Variants in CACNA1D observed in about 807,000 individuals in gnomAD.
CACNA1D encodes calcium voltage-gated channel subunit alpha1 D, also known as voltage-dependent L-type calcium channel subunit alpha-1D.
In CACNA1D, 55 loss-of-function variants were observed where a neutral mutation model predicts 257.1. The ratio of observed to expected loss-of-function variants is 0.21; its 90% CI spans 0.17 to 0.27. The LOEUF is 0.27. Among genes scored for constraint, CACNA1D ranks in the 10% least tolerant of loss-of-function variants. CACNA1D has a pLI of 1.00. For synonymous variants in CACNA1D, 980 were observed against 1,014.9 expected (o/e 0.97, Z 0.65); for missense variants, 1,876 against 2,784.0 (o/e 0.67, Z 7.34).
intron 4 of CACNA1D, among the ~76,000 whole-genome samples, chr3:53,655,928 T>A (rs1334443433): frequency 2.0e-5 from 3 of 152,230 alleles, no homozygotes; most frequent in African/African-American, 7.2e-5. Flanking sequence ...CATTTAAGTC[T>A]TTAATCCATC....
chr3:53,705,819 T>A (rs1457400975), intron 9 of CACNA1D, among the ~76,000 whole-genome samples: 1 of 152,212 alleles, frequency 6.6e-6, no homozygotes, highest in Non-Finnish European at 1.5e-5. Context: ...ACAGCACTGT[T>A]GAGGTTTCCC....
rs1472018745 is a variant in CACNA1D, at chr3:53,772,886, C to T, written c.4098C>T (p.Val1366=). ...CCATGCTGTTCTTCATCTATGCGGT[C>T]ATTGGCATGCAGGTAAGCTCCAGCC... ...LIAMLFFIYA[V]IGMQMFGKVA... The change falls in exon 33 of 48, where the codon GTC becomes GTT. Residue 1366 remains valine, a synonymous_variant. Transcript: ENST00000350061. 2.5e-6 allele frequency: 4 copies of T among 1,613,716 alleles called. No individual in the cohort carries two copies. The highest frequency in any genetic ancestry group is 3.3e-5 in the Admixed American group (2 of 59,996).
Position 53,730,526 on chromosome 3 carries a change from C to T in CACNA1D, c.2306C>T (p.Ala769Val), listed in dbSNP as rs771708188. ...CTGAACACTGCTCAGAAAGAAGAAG[C>T]GGAAGAAAAGGAGAGGAAAAAGATT... ...ESLNTAQKEE[A>V]EEKERKKIAR... Residue 769 changes from alanine to valine, a missense_variant, in exon 16 of 48, where the codon GCG (alanine) becomes GTG (valine). By Grantham distance (64) the Ala-to-Val change is moderately conservative (BLOSUM62 0). Coordinates refer to ENST00000350061, the MANE Select transcript of CACNA1D (RefSeq NM_001128840.3). 14 of 1,613,832 alleles carry T rather than the reference C, an allele frequency of 8.7e-6. No homozygotes were observed. The highest frequency in any genetic ancestry group is 3.3e-5 in the Admixed American group (2 of 60,016).
At position 53,723,504 on chromosome 3, in the gene CACNA1D, C is replaced by T; in HGVS notation, c.1737C>T (p.Leu579=). The T allele has an allele frequency of 1.2e-6, 2 of 1,614,044 alleles. No homozygotes were observed. Among genetic ancestry groups the T allele is most frequent in the Non-Finnish European group, 8.5e-7 (1 of 1,180,012 alleles). ...EMLVKMYSLG[L]QAYFVSLFNR... ...TGGTAAAAATGTACAGCTTGGGCCT[C>T]CAAGCATATTTCGTCTCTCTTTTCA... The change falls in exon 13 of 48, where the codon CTC becomes CTT. Residue 579 remains leucine (L), a synonymous_variant. Transcript: ENST00000350061. The surrounding 1 kb of genome is among the most constrained non-coding windows in gnomAD (Gnocchi z 5.6).
intron 3 of CACNA1D, among the ~76,000 whole-genome samples, chr3:53,611,589 A>T (rs1030937258): frequency 1.3e-5 from 2 of 151,958 alleles, no homozygotes; most frequent in African/African-American, 4.8e-5. Context: ...TTAATTTTTC[A>T]ATCATTATTA....
intron 8 of CACNA1D, among the ~76,000 whole-genome samples, chr3:53,700,195 T>G (rs2094610142): frequency 6.6e-6 from 1 of 151,590 alleles, no homozygotes; most frequent in African/African-American, 2.4e-5. Flanking sequence ...TCTTTTACTA[T>G]CTTCATAATT....
At chr3:53,588,459 G>A (rs72966325) in intron 3 of CACNA1D, among the ~76,000 whole-genome samples, 1,662 of 152,268 alleles carry the variant, frequency 0.011, 32 homozygotes, top group African/African-American at 0.037. Context: ...GATGAAGTCT[G>A]GGGGAGTTTG....
At position 53,723,376 on chromosome 3, in the gene CACNA1D, G is replaced by A. The variant is rs929988570; in HGVS notation, c.1667-58G>A. The A allele has an allele frequency of 8.7e-6, 11 of 1,259,438 alleles. No homozygotes were observed. Among genetic ancestry groups the A allele is most frequent in the Middle Eastern group, 1.9e-4 (1 of 5,318 alleles). 78.0% of individuals were successfully genotyped at this position (1,259,438 alleles called of 1,614,324 possible). A position where few individuals can be genotyped will look rare whatever the true frequency, so the allele number is the denominator to read the frequency against. ...ATAGGGAGGGAGGTGTGAGGGGCAC[G>A]AGCAGTCTGAGTGTCTTGCAGGAGA... On this transcript the variant is annotated intron_variant, in intron 12 of 47. Transcript: ENST00000350061. The surrounding 1 kb of genome is among the most constrained non-coding windows in gnomAD (Gnocchi z 5.6).
intron 3 of CACNA1D, among the ~76,000 whole-genome samples, chr3:53,628,944 C>T (rs2093790801): frequency 6.6e-6 from 1 of 152,206 alleles, no homozygotes; most frequent in Non-Finnish European, 1.5e-5. Flanking sequence ...CTTTTTCTGG[C>T]AGAGAACTGA....
chr3:53,675,104 A>G (rs1469363528), intron 8 of CACNA1D, among the ~76,000 whole-genome samples: 1 of 152,166 alleles, frequency 6.6e-6, no homozygotes, highest in African/African-American at 2.4e-5. Context: ...GTTCCACACC[A>G]GGGACGCATA....
intron 3 of CACNA1D, among the ~76,000 whole-genome samples, chr3:53,510,851 A>T (rs3821842): frequency 0.42 from 63,203 of 152,018 alleles, 16,285 homozygotes; most frequent in African/African-American, 0.74. Context: ...CCTAGATTTT[A>T]GGAATCTATT....
intron 29 of CACNA1D, among the ~76,000 whole-genome samples, chr3:53,759,493 C>T (rs548749786): frequency 2.0e-5 from 3 of 152,318 alleles, no homozygotes; most frequent in African/African-American, 4.8e-5. Flanking sequence ...ACAGCAGGTG[C>T]GAAGGGCGAA....
In CACNA1D at chr3:53,707,318, G is replaced by A. The variant is rs148397558; in HGVS notation, c.1390+4508G>A. On this transcript the variant is annotated intron_variant, in intron 9 of 47. Transcript: ENST00000350061. The stretch of plus-strand genomic sequence containing the variant: ...CCAGGGGTGGCTCTTTTTCATTAAG[G>A]TTCCCTGGGGATTCTAATGTGAAGC... Among the ~76,000 whole-genome samples, 378 of 152,052 alleles carry A rather than the reference G, an allele frequency of 2.5e-3. 2 individuals carry two copies. The highest frequency in any genetic ancestry group is 8.6e-3 in the African/African-American group (358 of 41,468).
In CACNA1D at chr3:53,800,815, C is replaced by T; in HGVS notation, c.5041-243C>T. 1 of 591,338 alleles carries T rather than the reference C, an allele frequency of 1.7e-6. No homozygotes were observed. Among genetic ancestry groups the T allele is most frequent in the Non-Finnish European group, 3.0e-6 (1 of 331,034 alleles). The allele number at this position is 591,338 out of a possible 1,614,324, so 36.6% of individuals were successfully genotyped here. On this transcript the variant is annotated intron_variant, in intron 41 of 47. Coordinates refer to ENST00000350061, the MANE Select transcript of CACNA1D (RefSeq NM_001128840.3). The surrounding 1 kb of genome is among the most constrained non-coding windows in gnomAD (Gnocchi z 4.3). Reference sequence around the variant, plus strand: ...CCAACTTGGAGCAACTGGAAGAGCACACTCGAGTGACAGCCGACAGCTTGC... The same window carrying T: ...CCAACTTGGAGCAACTGGAAGAGCATACTCGAGTGACAGCCGACAGCTTGC...
intron 3 of CACNA1D, among the ~76,000 whole-genome samples, chr3:53,539,010 C>T (rs1191091404): frequency 6.6e-6 from 1 of 152,138 alleles, no homozygotes; most frequent in Non-Finnish European, 1.5e-5. Context: ...GATTTTCTTT[C>T]CTGTTTGATC....
chr3:53,734,512 A>T (rs1281531391), intron 19 of CACNA1D, among the ~76,000 whole-genome samples: 1 of 152,160 alleles, frequency 6.6e-6, no homozygotes, highest in African/African-American at 2.4e-5. Context: ...GTGTATATGT[A>T]TATGTTTAAA....
intron 40 of CACNA1D, among the ~76,000 whole-genome samples, chr3:53,795,184 C>G (rs2095502153): frequency 6.6e-6 from 1 of 152,210 alleles, no homozygotes; most frequent in African/African-American, 2.4e-5. Context: ...CCCCTAAGTG[C>G]ACAACTGGGA....
rs1055456992 is a variant in CACNA1D at position 53,519,888 on chromosome 3, A to T, written c.483+18168A>T. On this transcript the variant is annotated intron_variant, in intron 3 of 47. Coordinates refer to ENST00000350061, the MANE Select transcript of CACNA1D (RefSeq NM_001128840.3). ...TGGATTTACCTATTCTGAATATTTC[A>T]TATAAACGGGATCATACAATATGTG... 4.6e-5 allele frequency among the ~76,000 whole-genome samples: 7 copies of T among 152,312 alleles called. No homozygotes were observed. The East Asian group carries it at 1.2e-3, about 25-fold the overall frequency.
At chr3:53,566,271 T>C (rs2092834212) in intron 3 of CACNA1D, among the ~76,000 whole-genome samples, 3 of 152,138 alleles carry the variant, frequency 2.0e-5, no homozygotes, top group Non-Finnish European at 4.4e-5. Flanking sequence ...GACATCCCCC[T>C]TCTCTCTGCA....
Sources: allele counts gnomAD v4.1 joint callset (sites outside exome capture counted in the v4.1 genomes callset), GRCh38; gene constraint gnomAD v4.1.1; non-coding constraint Gnocchi (gnomAD v3.1); transcripts MANE v1.5; gene names NCBI Gene and HGNC (gene_info 2026-07-23, HGNC 2026-07-21).